Variants in SPAG16 observed in about 807,000 individuals in gnomAD.
SPAG16 encodes sperm associated antigen 16.
SPAG16 carries 86 observed loss-of-function variants against 80.4 expected under a neutral mutation model. The observed-to-expected ratio is 1.07, with a 90% CI of 0.90 to 1.28. The LOEUF (loss-of-function observed/expected upper bound fraction) is 1.28, where lower values mean the gene tolerates loss of function less well. Ranked by LOEUF, SPAG16 falls within the 50% of genes most tolerant of loss-of-function variation. The pLI is 0.00. For missense variants in SPAG16, 870 were observed against 765.3 expected (o/e 1.14, Z -1.61); for synonymous variants, 294 against 265.9 (o/e 1.11, Z -1.03).
intron 10 of SPAG16, among the ~76,000 whole-genome samples, chr2:213,557,656 C>A (rs1278058160): frequency 6.6e-6 from 1 of 152,116 alleles, no homozygotes; most frequent in East Asian, 1.9e-4. Flanking sequence ...TCTCACTCTG[C>A]TGCCTAGGCT....
chr2:213,792,378 A>G (rs936206822), intron 10 of SPAG16, among the ~76,000 whole-genome samples: 3 of 152,074 alleles, frequency 2.0e-5, no homozygotes, highest in African/African-American at 7.2e-5. Context: ...ATTTGTTTTA[A>G]CAGCCCTAAA....
At chr2:213,302,535 A>C (rs886570966) in intron 3 of SPAG16, 13 of 152,016 alleles carry the variant, frequency 8.6e-5, no homozygotes, top group African/African-American at 3.1e-4. Flanking sequence ...TACCTGGTAC[A>C]TGGGAGATGT....
At position 213,292,663 on chromosome 2, in the gene SPAG16, CAA is replaced by C. The variant is rs1248465249; in HGVS notation, c.137-3390_137-3389del. ...TGGGCGACAGAGCGAGACTCCGTCTCAAAAAAAAAAAACAAAAAAAACAAAAA... is the reference window on the plus strand; with the variant it reads ...TGGGCGACAGAGCGAGACTCCGTCTCAAAAAAAAAACAAAAAAAACAAAAA... On this transcript the variant is annotated intron_variant, in intron 1 of 15. Transcript: ENST00000331683. Among the ~76,000 whole-genome samples the C allele has an allele frequency of 6.5e-5, 5 of 76,382 alleles. 1 individual carries two copies. Among genetic ancestry groups the C allele is most frequent in the Admixed American group, 2.7e-4 (2 of 7,424 alleles). 50.1% of individuals were successfully genotyped at this position (76,382 alleles called of 152,430 possible).
At chr2:213,375,183 C>A (rs570330816) in intron 9 of SPAG16, 64 bp downstream of exon 9, 3 of 1,137,384 alleles carry the variant, frequency 2.6e-6, no homozygotes, top group African/African-American at 1.6e-5. Context: ...GATCCATTCA[C>A]TCATATGGTA....
At chr2:213,820,237 G>A (rs2072855877) in intron 10 of SPAG16, among the ~76,000 whole-genome samples, 1 of 152,006 alleles carries the variant, frequency 6.6e-6, no homozygotes, top group African/African-American at 2.4e-5. Context: ...ACCACACCCA[G>A]CTAATTTTTG....
intron 9 of SPAG16, among the ~76,000 whole-genome samples, chr2:213,438,634 T>C (rs539872778): frequency 1.3e-5 from 2 of 152,350 alleles, no homozygotes; most frequent in African/African-American, 4.8e-5. Flanking sequence ...CACGTCCTTA[T>C]ACTGTGAGCA....
At chr2:214,203,744 G>A (rs1261963317) in intron 15 of SPAG16, among the ~76,000 whole-genome samples, 2 of 152,110 alleles carry the variant, frequency 1.3e-5, no homozygotes, top group Non-Finnish European at 2.9e-5. Context: ...CAGAGGAACT[G>A]GAAAAAGACC....
At chr2:213,888,977 T>C (rs1451120728) in intron 11 of SPAG16, among the ~76,000 whole-genome samples, 6 of 152,028 alleles carry the variant, frequency 3.9e-5, no homozygotes, top group African/African-American at 7.2e-5. Flanking sequence ...TTTGCTTTAA[T>C]ATTTGTTCTT....
chr2:214,036,443 T>A (rs1043787477), intron 13 of SPAG16, among the ~76,000 whole-genome samples: 1 of 151,946 alleles, frequency 6.6e-6, no homozygotes, highest in Non-Finnish European at 1.5e-5. Context: ...CACAGGGGAG[T>A]CGTTGCTTCT....
intron 9 of SPAG16, among the ~76,000 whole-genome samples, chr2:213,407,715 AAG>A (rs550144463): frequency 1.1e-4 from 14 of 130,650 alleles, no homozygotes; most frequent in Middle Eastern, 8.8e-3. Flanking sequence ...AGACAGAGGA[AAG>A]AGAGACAGGA....
At chr2:214,000,231 T>A (rs1559676493) in intron 12 of SPAG16, among the ~76,000 whole-genome samples, 1 of 152,160 alleles carries the variant, frequency 6.6e-6, no homozygotes, top group South Asian at 2.1e-4. Context: ...GGAGATCATT[T>A]GAATTATCAG....
intron 15 of SPAG16, among the ~76,000 whole-genome samples, chr2:214,313,815 ATTTAATGTT>A (rs1332823303): frequency 6.6e-6 from 1 of 152,078 alleles, no homozygotes; most frequent in African/African-American, 2.4e-5. Flanking sequence ...GCAGCATAAC[ATTTAATGTT>A]TTATTCTTTT....
At chr2:214,387,115 T>C (rs187195686) in intron 15 of SPAG16, among the ~76,000 whole-genome samples, 497 of 152,280 alleles carry the variant, frequency 3.3e-3, no homozygotes, top group Non-Finnish European at 5.6e-3. Flanking sequence ...TTTTATATTT[T>C]AAGATTTAGC....
chr2:213,311,627 G>A (rs557268011), intron 4 of SPAG16, among the ~76,000 whole-genome samples: 1 of 151,704 alleles, frequency 6.6e-6, no homozygotes, highest in Non-Finnish European at 1.5e-5. Context: ...TTCTTTATGA[G>A]TTTAGAATAT....
At chr2:213,591,416 G>C (rs1027044374) in intron 10 of SPAG16, among the ~76,000 whole-genome samples, 1 of 152,064 alleles carries the variant, frequency 6.6e-6, no homozygotes, top group Admixed American at 6.5e-5. Flanking sequence ...TCTAAGAGAA[G>C]ACAATGCCTC....
intron 11 of SPAG16, among the ~76,000 whole-genome samples, chr2:213,864,492 T>C (rs923061377): frequency 5.3e-5 from 8 of 152,130 alleles, no homozygotes; most frequent in Admixed American, 3.9e-4. Flanking sequence ...AGTCCAGCTC[T>C]GGGCTCTGGT....
chr2:213,587,591 A>G (rs1183480604), intron 10 of SPAG16, among the ~76,000 whole-genome samples: 4 of 152,100 alleles, frequency 2.6e-5, no homozygotes, highest in African/African-American at 9.7e-5. Context: ...ATTCATACCA[A>G]TTTCTTTATC....
rs543791479 is a variant in SPAG16, at chr2:213,796,067, A to T, written c.1071-66418A>T. Among the ~76,000 whole-genome samples the T allele has an allele frequency of 1.6e-4, 25 of 152,316 alleles. 1 individual carries two copies. The highest frequency in any genetic ancestry group is 5.5e-4 in the African/African-American group (23 of 41,586). Reference sequence around the variant, plus strand: ...TTTGGAGGATACGATATATCTTAATAAAACATCTAATCTATTCAACTCCCC... The same window carrying T: ...TTTGGAGGATACGATATATCTTAATTAAACATCTAATCTATTCAACTCCCC... On this transcript the variant is annotated intron_variant, in intron 10 of 15. Coordinates refer to ENST00000331683, the MANE Select transcript of SPAG16 (RefSeq NM_024532.5).
chr2:213,678,379 A>G (rs1319038560), intron 10 of SPAG16, among the ~76,000 whole-genome samples: 1 of 152,220 alleles, frequency 6.6e-6, no homozygotes, highest in Non-Finnish European at 1.5e-5. Context: ...TAGCAAGACT[A>G]ATAAGGAAAA....
Sources: gnomAD v4.1 joint callset for allele counts (sites outside exome capture counted in the v4.1 genomes callset) on GRCh38, gnomAD v4.1.1 for gene constraint, MANE v1.5 for transcripts, NCBI Gene and HGNC (gene_info 2026-07-23, HGNC 2026-07-21) for gene names.